MB21D2: variants seen among roughly 807,000 people sequenced by gnomAD.
MB21D2 encodes the protein nucleotidyltransferase MB21D2.
Under a neutral mutation model 33.3 loss-of-function variants are expected in MB21D2, and 9 were observed. The observed-to-expected ratio is 0.27, with a 90% CI of 0.16 to 0.47. The LOEUF is 0.47. MB21D2 is among the 20% of genes least tolerant of loss of function. The pLI is 0.99. For synonymous variants in MB21D2, 241 were observed against 236.3 expected, an observed-to-expected ratio of 1.02 and a Z score of -0.18; for missense variants, 540 against 624.6, an observed-to-expected ratio of 0.86 and a Z score of 1.44.
At chr3:192,835,927 C>T (rs182135656) in intron 1 of MB21D2, among the ~76,000 whole-genome samples, 1 of 152,066 alleles carries the variant, frequency 6.6e-6, no homozygotes, top group Admixed American at 6.5e-5. Context: ...TAGCACATTC[C>T]CAGTGAAGCA....
intron 1 of MB21D2, among the ~76,000 whole-genome samples, chr3:192,904,730 T>G (rs975852433): frequency 1.5e-4 from 23 of 152,128 alleles, no homozygotes; most frequent in South Asian, 4.2e-4. Context: ...AACGGGCAGG[T>G]GTTGAAGGGC....
At chr3:192,916,997 C>A (rs979496702) in intron 1 of MB21D2, among the ~76,000 whole-genome samples, 1 of 152,208 alleles carries the variant, frequency 6.6e-6, no homozygotes, top group African/African-American at 2.4e-5. Flanking sequence ...TGCTTCCGAT[C>A]GCTTCATAAG....
chr3:192,823,171 G>A (rs1473649729), intron 1 of MB21D2, among the ~76,000 whole-genome samples: 1 of 152,004 alleles, frequency 6.6e-6, no homozygotes, highest in African/African-American at 2.4e-5. Flanking sequence ...ATTTACAGGT[G>A]GTGTTAACCA....
chr3:192,884,592 C>T (rs998018546), intron 1 of MB21D2, among the ~76,000 whole-genome samples: 1 of 151,814 alleles, frequency 6.6e-6, no homozygotes, highest in Admixed American at 6.5e-5. Flanking sequence ...TGGTCTTGAT[C>T]TCCTGACCTC....
At chr3:192,804,871 G>A (rs938912535) in intron 1 of MB21D2, among the ~76,000 whole-genome samples, 3 of 152,212 alleles carry the variant, frequency 2.0e-5, no homozygotes, top group African/African-American at 7.2e-5. Flanking sequence ...TCTGAGGAAC[G>A]TCTGAGATGT....
chr3:192,798,628 G>GC lies in MB21D2; in HGVS notation c.1233dup (p.Arg412AlafsTer5). ...GCCTTGACATGCTCAATGGCGGTGCGCAAGTGCTCTGCCGGGTCTGAGCGC... is the reference window on the plus strand; with the variant it reads ...GCCTTGACATGCTCAATGGCGGTGCGCCAAGTGCTCTGCCGGGTCTGAGCGC... On this transcript the variant is annotated frameshift_variant, in exon 2 of 2. Transcript: ENST00000392452. LOFTEE classifies it high-confidence loss of function. This position sits in a 1 kb window ranked among gnomAD's most constrained non-coding sequence, Gnocchi z 4.8. 6.2e-7 allele frequency: 1 copy of GC among 1,613,862 alleles called. No homozygotes were observed. Among genetic ancestry groups the GC allele is most frequent in the Non-Finnish European group, 8.5e-7 (1 of 1,180,038 alleles).
intron 1 of MB21D2, among the ~76,000 whole-genome samples, chr3:192,893,816 GC>G (rs1713906870): frequency 6.6e-6 from 1 of 152,070 alleles, no homozygotes; most frequent in Admixed American, 6.5e-5. Flanking sequence ...TGGGAGGATC[GC>G]TTGAGGCCAG....
intron 1 of MB21D2, among the ~76,000 whole-genome samples, chr3:192,827,433 G>A (rs1577174748): frequency 6.6e-6 from 1 of 152,120 alleles, no homozygotes; most frequent in East Asian, 1.9e-4. Context: ...GATTGTGAGG[G>A]TTTAAGATGA....
At chr3:192,860,734 C>T (rs949050020) in intron 1 of MB21D2, among the ~76,000 whole-genome samples, 1 of 152,198 alleles carries the variant, frequency 6.6e-6, no homozygotes, top group Non-Finnish European at 1.5e-5. Flanking sequence ...GGCAACTTCC[C>T]CTCCTTATGT....
chr3:192,818,299 A>G (rs188819772), intron 1 of MB21D2, among the ~76,000 whole-genome samples: 2 of 152,258 alleles, frequency 1.3e-5, no homozygotes, highest in Admixed American at 1.3e-4. Context: ...CTGACCTACT[A>G]CAGAATATGT....
chr3:192,879,406 G>A (rs1405206388), intron 1 of MB21D2, among the ~76,000 whole-genome samples: 1 of 152,224 alleles, frequency 6.6e-6, no homozygotes, highest in African/African-American at 2.4e-5. Flanking sequence ...ATACTCCCCA[G>A]CATTAACCAC....
At chr3:192,821,605 C>T (rs1029067203) in intron 1 of MB21D2, among the ~76,000 whole-genome samples, 2 of 152,142 alleles carry the variant, frequency 1.3e-5, no homozygotes, top group Non-Finnish European at 2.9e-5. Flanking sequence ...TTCATTGTCA[C>T]GATTAAAAGG....
intron 1 of MB21D2, among the ~76,000 whole-genome samples, chr3:192,909,275 T>A (rs531836884): frequency 2.7e-5 from 4 of 150,196 alleles, no homozygotes; most frequent in African/African-American, 7.4e-5. Flanking sequence ...AAATAAAAAA[T>A]AAAAAAATAA....
At chr3:192,852,566 C>T (rs745442444) in intron 1 of MB21D2, among the ~76,000 whole-genome samples, 4 of 152,156 alleles carry the variant, frequency 2.6e-5, no homozygotes, top group Non-Finnish European at 1.5e-5. Context: ...AAAACAGTCT[C>T]TTTACTTCAT....
At chr3:192,838,881 G>A (rs1712509560) in intron 1 of MB21D2, among the ~76,000 whole-genome samples, 2 of 152,292 alleles carry the variant, frequency 1.3e-5, no homozygotes, top group South Asian at 2.1e-4. Flanking sequence ...AGTATCCACT[G>A]TATTATATGC....
intron 1 of MB21D2, among the ~76,000 whole-genome samples, chr3:192,803,505 C>T (rs1441045949): frequency 6.6e-6 from 1 of 152,180 alleles, no homozygotes; most frequent in Non-Finnish European, 1.5e-5. Flanking sequence ...TCCATTTAGC[C>T]TCCCTGAGCC....
rs143731121 is a variant in MB21D2 at position 192,814,509 on chromosome 3, G to A, written c.212-14859C>T. Among the ~76,000 whole-genome samples, 16 of 152,198 alleles carry A rather than the reference G, an allele frequency of 1.1e-4. No individual in the cohort carries two copies. In the East Asian group the frequency reaches 2.1e-3, roughly 20 times the overall value. On this transcript the variant is annotated intron_variant, in intron 1 of 1. Coordinates refer to ENST00000392452, the MANE Select transcript of MB21D2 (RefSeq NM_178496.4). Reference sequence around the variant, plus strand: ...GTAGAAATTTGCAGTTTAAAAGCACGGGTAGATCATTTAAAAGAGGACAAA... The same window carrying A: ...GTAGAAATTTGCAGTTTAAAAGCACAGGTAGATCATTTAAAAGAGGACAAA...
At position 192,799,555 on chromosome 3, in the gene MB21D2, C is replaced by G. The variant is rs755605411; in HGVS notation, c.307G>C (p.Asp103His). 1.2e-6 allele frequency: 2 copies of G among 1,614,178 alleles called. No individual in the cohort carries two copies. Among genetic ancestry groups the G allele is most frequent in the Admixed American group, 3.3e-5 (2 of 60,026 alleles). Residue 103 changes from aspartate (D) to histidine (H), a missense_variant, in exon 2 of 2, where the codon GAT becomes CAT. Asp to His is a moderately conservative substitution (Grantham distance 81). Transcript: ENST00000392452. This position sits in a 1 kb window ranked among gnomAD's most constrained non-coding sequence, Gnocchi z 4.1. ...VREGVVDLDL[D>H]ELNVYARGTD... ...CCCCGGGCATAGACATTAAGCTCAT[C>G]TAAGTCCAGGTCCACCACGCCTTCC...
intron 1 of MB21D2, among the ~76,000 whole-genome samples, chr3:192,878,985 A>G (rs561606264): frequency 7.9e-4 from 120 of 152,264 alleles, no homozygotes; most frequent in African/African-American, 2.6e-3. Flanking sequence ...AGAAGAAGAA[A>G]AAAGAATCAC....
Sources: allele counts gnomAD v4.1 joint callset (sites outside exome capture counted in the v4.1 genomes callset), GRCh38; gene constraint gnomAD v4.1.1; non-coding constraint Gnocchi (gnomAD v3.1); transcripts MANE v1.5; gene names NCBI Gene and HGNC (gene_info 2026-07-23, HGNC 2026-07-21).